Variants in PCDHA10 observed in about 807,000 individuals in gnomAD.
PCDHA10 encodes the protein protocadherin alpha 10.
Under a neutral mutation model 61.2 loss-of-function variants are expected in PCDHA10, and 45 were observed. That is an observed-to-expected ratio of 0.74 (90% CI 0.58 to 0.94). The LOEUF is 0.94. PCDHA10 is among the 40% of genes least tolerant of loss of function. PCDHA10 has a pLI of 0.00. For synonymous variants in PCDHA10, 602 were observed against 548.8 expected (o/e 1.10, Z -1.35); for missense variants, 1,278 against 1,236.2 (o/e 1.03, Z -0.51).
intron 1 of PCDHA10, among the ~76,000 whole-genome samples, chr5:140,951,356 C>T (rs1362153667): frequency 6.6e-6 from 1 of 151,998 alleles, no homozygotes; most frequent in African/African-American, 2.4e-5. Flanking sequence ...CATTATTGCA[C>T]TGTTATAAAG....
chr5:140,944,182 G>GTTTGT (rs750577669), intron 1 of PCDHA10, among the ~76,000 whole-genome samples: 5 of 152,052 alleles, frequency 3.3e-5, no homozygotes, highest in East Asian at 1.9e-4. Flanking sequence ...TTTTTTGTTG[G>GTTTGT]TTTGTTTTGT....
At chr5:140,918,595 A>T (rs2078770795) in intron 1 of PCDHA10, among the ~76,000 whole-genome samples, 1 of 152,228 alleles carries the variant, frequency 6.6e-6, no homozygotes, top group Non-Finnish European at 1.5e-5. Context: ...TGTTCTATAG[A>T]TGTTGCTATG....
intron 1 of PCDHA10, among the ~76,000 whole-genome samples, chr5:140,919,974 TAG>T (rs2153555647): frequency 7.5e-6 from 1 of 134,116 alleles, no homozygotes; most frequent in African/African-American, 2.6e-5. Context: ...AAATAAGAGA[TAG>T]AAGATGGAAA....
intron 1 of PCDHA10, chr5:140,875,198 G>A: frequency 7.2e-6 from 4 of 552,228 alleles, no homozygotes; most frequent in Non-Finnish European, 1.1e-5. Flanking sequence ...GACCCAGGAA[G>A]TGGCTAAACC....
intron 3 of PCDHA10, among the ~76,000 whole-genome samples, chr5:141,005,656 C>T (rs1004583867): frequency 1.5e-4 from 20 of 136,082 alleles, no homozygotes; most frequent in Non-Finnish European, 2.5e-4. Context: ...GAGTCGAGAT[C>T]GCGCCACTGC....
chr5:141,010,312 G>C lies in PCDHA10; in HGVS notation c.*375G>C. On this transcript the variant is annotated 3_prime_UTR_variant, in exon 4 of 4. Transcript: ENST00000307360. ...TGCAGGGCAGGCTGAAAAGTTTTGA[G>C]ATTGAGCAGCTTGGGAGTTTGTGGC... is the stretch of plus-strand genomic sequence containing the variant. 1 of 1,547,400 alleles carries C rather than the reference G, an allele frequency of 6.5e-7. No individual in the cohort carries two copies. The highest frequency in any genetic ancestry group is 8.7e-7 in the Non-Finnish European group (1 of 1,145,752).
intron 1 of PCDHA10, among the ~76,000 whole-genome samples, chr5:140,936,053 C>T (rs576745037): frequency 1.2e-4 from 18 of 152,052 alleles, no homozygotes; most frequent in Middle Eastern, 3.4e-3. Flanking sequence ...CCACCACACC[C>T]GGCTAATTTT....
At chr5:140,897,694 G>A (rs1091552) in intron 1 of PCDHA10, among the ~76,000 whole-genome samples, 2,266 of 152,206 alleles carry the variant, frequency 0.015, 53 homozygotes, top group African/African-American at 0.052. Context: ...AGTCCTTTGG[G>A]CATATACCCA....
rs1209791227 is a variant in PCDHA10, at chr5:140,923,921, C to A, written c.2389-55028C>A. Among the ~76,000 whole-genome samples, 3 of 152,180 alleles carry A rather than the reference C, an allele frequency of 2.0e-5. No individual in the cohort carries two copies. The East Asian group carries it at 5.8e-4, about 29-fold the overall frequency. On this transcript the variant is annotated intron_variant, in intron 1 of 3. Transcript: ENST00000307360. ...TTCTGTGAAGATTTCCCATACTGTT[C>A]TCTGTATGCATTTTTCCTTTTTTCC...
chr5:140,951,841 AAAAGTCC>A (rs1266500275), intron 1 of PCDHA10, among the ~76,000 whole-genome samples: 1 of 152,182 alleles, frequency 6.6e-6, no homozygotes, highest in African/African-American at 2.4e-5. Context: ...GCATTAAGCC[AAAAGTCC>A]AAAGTCCAAA....
At chr5:140,942,109 A>G (rs534603504) in intron 1 of PCDHA10, among the ~76,000 whole-genome samples, 55 of 152,334 alleles carry the variant, frequency 3.6e-4, no homozygotes, top group African/African-American at 1.3e-3. Flanking sequence ...CATATAATCA[A>G]ACTTTATTAA....
At chr5:140,968,324 T>C (rs781875050) in intron 1 of PCDHA10, 15 of 1,613,972 alleles carry the variant, frequency 9.3e-6, no homozygotes. Context: ...GCCAGTCACC[T>C]CCTATGTCTC....
chr5:140,917,151 G>A (rs974449842), intron 1 of PCDHA10, among the ~76,000 whole-genome samples: 1 of 152,160 alleles, frequency 6.6e-6, no homozygotes, highest in Non-Finnish European at 1.5e-5. Flanking sequence ...TGCTGCTGGG[G>A]GATATGGGAG....
chr5:140,927,171 C>G (rs1554204119), intron 1 of PCDHA10: 5 of 1,614,164 alleles, frequency 3.1e-6, no homozygotes. Context: ...AAGCTGCCTG[C>G]GTCTTGACCT....
chr5:140,877,303 T>G, intron 1 of PCDHA10: 1 of 1,613,850 alleles, frequency 6.2e-7, no homozygotes, highest in South Asian at 1.1e-5. Flanking sequence ...GTCCTACGAG[T>G]TGCAACCGGC....
intron 1 of PCDHA10, among the ~76,000 whole-genome samples, chr5:140,959,564 G>T (rs1440482785): frequency 6.6e-6 from 1 of 152,072 alleles, no homozygotes; most frequent in Non-Finnish European, 1.5e-5. Flanking sequence ...ATCAGTACTA[G>T]ATTTTTTGTT....
At position 140,884,460 on chromosome 5, in the gene PCDHA10, C is replaced by T. The variant is rs782410675; in HGVS notation, c.2388+26024C>T. ...TGCTCGGCACCGCCCACCGAGGGCG[C>T]GTGCGCGCCGGGCAAGCCCACTCTA... On this transcript the variant is annotated intron_variant, in intron 1 of 3. Coordinates refer to ENST00000307360, the MANE Select transcript of PCDHA10 (RefSeq NM_018901.4). The T allele has an allele frequency of 2.5e-6, 4 of 1,613,730 alleles. No homozygotes were observed. The highest frequency in any genetic ancestry group is 3.3e-5 in the Admixed American group (2 of 59,998).
chr5:141,006,750 G>A (rs1233243147), intron 3 of PCDHA10, among the ~76,000 whole-genome samples: 1 of 152,122 alleles, frequency 6.6e-6, no homozygotes, highest in African/African-American at 2.4e-5. Flanking sequence ...TATTATAAAT[G>A]GAGAATGAAG....
intron 1 of PCDHA10, among the ~76,000 whole-genome samples, chr5:140,886,986 A>C (rs1246352877): frequency 6.6e-6 from 1 of 152,160 alleles, no homozygotes; most frequent in Non-Finnish European, 1.5e-5. Context: ...TGTAAATCCA[A>C]ATTTCCAGTT....
Sources: gnomAD v4.1 joint callset for allele counts (sites outside exome capture counted in the v4.1 genomes callset) on GRCh38, gnomAD v4.1.1 for gene constraint, MANE v1.5 for transcripts, NCBI Gene and HGNC (gene_info 2026-07-23, HGNC 2026-07-21) for gene names.